Variants in UBTD2 observed in about 807,000 individuals in gnomAD.
UBTD2 encodes ubiquitin domain-containing protein 2.
UBTD2 carries 9 observed loss-of-function variants against 19.8 expected under a neutral mutation model. The ratio of observed to expected loss-of-function variants is 0.46; its 90% CI spans 0.27 to 0.79. The LOEUF (loss-of-function observed/expected upper bound fraction) is 0.79, where lower values mean the gene tolerates loss of function less well. UBTD2 is among the 30% of genes least tolerant of loss of function. The pLI, the probability that UBTD2 is intolerant of heterozygous loss-of-function variation, is 0.14. For synonymous variants in UBTD2, 98 were observed against 103.9 expected (o/e 0.94, Z 0.35); for missense variants, 250 against 300.4 (o/e 0.83, Z 1.24).
rs146473827 is a variant in UBTD2, at chr5:172,211,783, C to T, written c.*47G>A. On this transcript the variant is annotated 3_prime_UTR_variant, in exon 3 of 3. Coordinates refer to ENST00000393792, the MANE Select transcript of UBTD2 (RefSeq NM_152277.3). The stretch of plus-strand genomic sequence containing the variant: ...CAGAGTAGGAAATGACAACAAGAAC[C>T]ATAAAAAGGAGCAGAGGGATGTGGG... 2.6e-6 allele frequency: 4 copies of T among 1,520,844 alleles called. No homozygotes were observed. The East Asian group carries it at 9.1e-5, about 35-fold the overall frequency. 94.2% of individuals were successfully genotyped at this position (1,520,844 alleles called of 1,614,324 possible). A position where few individuals can be genotyped will look rare whatever the true frequency, so the allele number is the denominator to read the frequency against.
In UBTD2 at chr5:172,283,042, G is replaced by A. The variant is rs1451816514; in HGVS notation, c.70+554C>T. On this transcript the variant is annotated intron_variant, in intron 1 of 2. Transcript: ENST00000393792. The surrounding 1 kb of genome is among the most constrained non-coding windows in gnomAD (Gnocchi z 4.3). The stretch of plus-strand genomic sequence containing the variant: ...CACCCCTCCTTAATACAATGCCTGC[G>A]GCCACTGGAGACTCCTCCAGCCGAG... Among the ~76,000 whole-genome samples, 1 of 152,002 alleles carries A rather than the reference G, an allele frequency of 6.6e-6. No individual in the cohort carries two copies. Among genetic ancestry groups the A allele is most frequent in the African/African-American group, 2.4e-5 (1 of 41,352 alleles).
chr5:172,271,283 G>C (rs1182433760), intron 1 of UBTD2, among the ~76,000 whole-genome samples: 1 of 152,004 alleles, frequency 6.6e-6, no homozygotes, highest in African/African-American at 2.4e-5. Flanking sequence ...AAAAAAATTA[G>C]CCAGGCGTGG....
intron 1 of UBTD2, among the ~76,000 whole-genome samples, chr5:172,265,202 C>T (rs938701289): frequency 2.0e-5 from 3 of 152,200 alleles, no homozygotes; most frequent in African/African-American, 7.2e-5. Flanking sequence ...CCTCCTTTCA[C>T]CAGGCAAATA....
intron 2 of UBTD2, among the ~76,000 whole-genome samples, chr5:172,227,869 C>G (rs796201408): frequency 1.3e-5 from 2 of 150,938 alleles, no homozygotes; most frequent in East Asian, 3.9e-4. Context: ...TTAGTAGAGA[C>G]GGGGTTTCGC....
In UBTD2 at chr5:172,251,089, C is replaced by T. The variant is rs535416968; in HGVS notation, c.71-16731G>A. Among the ~76,000 whole-genome samples the T allele has an allele frequency of 4.0e-5, 6 of 151,352 alleles. No homozygotes were observed. The South Asian group carries it at 1.3e-3, about 32-fold the overall frequency. On this transcript the variant is annotated intron_variant, in intron 1 of 2. Transcript: ENST00000393792. ...CAGCACTTCGGGAGGCCGAGGCGGG[C>T]GGATCACGAGGTCAGGAAATCGAGC...
chr5:172,243,998 G>A (rs1772185545), intron 1 of UBTD2, among the ~76,000 whole-genome samples: 2 of 151,988 alleles, frequency 1.3e-5, no homozygotes. Flanking sequence ...TTCAAAAAGG[G>A]AGACCATCAT....
chr5:172,279,865 G>A (rs2113144653), intron 1 of UBTD2, among the ~76,000 whole-genome samples: 1 of 152,276 alleles, frequency 6.6e-6, no homozygotes, highest in East Asian at 1.9e-4. Context: ...GTCAAAACAG[G>A]CTGGGCGAGG....
At chr5:172,274,941 C>G (rs1755577278) in intron 1 of UBTD2, among the ~76,000 whole-genome samples, 1 of 152,136 alleles carries the variant, frequency 6.6e-6, no homozygotes, top group African/African-American at 2.4e-5. Flanking sequence ...GAGGATGAGG[C>G]AGGAGAATGG....
intron 1 of UBTD2, among the ~76,000 whole-genome samples, chr5:172,240,480 T>C (rs1328676541): frequency 6.6e-6 from 1 of 151,780 alleles, no homozygotes; most frequent in African/African-American, 2.4e-5. Context: ...TTGAGGTAGC[T>C]TTATTGGGGG....
chr5:172,250,041 G>A (rs1284798430), intron 1 of UBTD2, among the ~76,000 whole-genome samples: 1 of 152,094 alleles, frequency 6.6e-6, no homozygotes, highest in East Asian at 1.9e-4. Context: ...TGGCAAACGT[G>A]GTGAAACCTC....
intron 1 of UBTD2, among the ~76,000 whole-genome samples, chr5:172,240,746 C>T (rs1043451500): frequency 1.3e-5 from 2 of 152,056 alleles, no homozygotes; most frequent in African/African-American, 4.8e-5. Context: ...CACAAAACAA[C>T]TTTATTGAGA....
intron 1 of UBTD2, chr5:172,252,265 C>T (rs1235837544): frequency 6.6e-6 from 1 of 152,160 alleles, no homozygotes; most frequent in Non-Finnish European, 1.5e-5. Flanking sequence ...GGTTTTAAGG[C>T]TCCACAAGAT....
chr5:172,232,958 T>C (rs897316981), intron 2 of UBTD2, among the ~76,000 whole-genome samples: 1 of 151,606 alleles, frequency 6.6e-6, no homozygotes, highest in African/African-American at 2.4e-5. Context: ...CTAGCCAACA[T>C]GGTGAAACCC....
rs939394790 is a variant in UBTD2, at chr5:172,255,701, G to A, written c.71-21343C>T. On this transcript the variant is annotated intron_variant, in intron 1 of 2. Transcript: ENST00000393792. ...CTCCAGGCAGTCACATGATGCCGGC[G>A]CCGCTCGCTCAGCAAGTCCCCCGGG... is the stretch of plus-strand genomic sequence containing the variant. Among the ~76,000 whole-genome samples the A allele has an allele frequency of 9.9e-5, 15 of 152,268 alleles. No individual in the cohort carries two copies. The South Asian group carries it at 1.0e-3, about 11-fold the overall frequency.
upstream of UBTD2, chr5:172,284,090 C>T (rs1457505996): frequency 1.3e-5 from 2 of 150,622 alleles, no homozygotes; most frequent in African/African-American, 4.9e-5. Flanking sequence ...CACCCACGGC[C>T]TGGGCTCGGC....
intron 1 of UBTD2, among the ~76,000 whole-genome samples, chr5:172,264,289 G>A (rs894691180): frequency 6.6e-6 from 1 of 151,936 alleles, no homozygotes; most frequent in African/African-American, 2.4e-5. Context: ...GCTCACACCT[G>A]TAATCCCAGC....
intron 1 of UBTD2, among the ~76,000 whole-genome samples, chr5:172,246,742 C>T (rs1297591138): frequency 7.1e-6 from 1 of 140,748 alleles, no homozygotes; most frequent in Non-Finnish European, 1.5e-5. Flanking sequence ...CCACGCCCAG[C>T]CGAGATTGCT....
intron 1 of UBTD2, among the ~76,000 whole-genome samples, chr5:172,264,567 A>C (rs1371356979): frequency 2.2e-5 from 3 of 134,742 alleles, no homozygotes; most frequent in African/African-American, 8.1e-5. Flanking sequence ...AAATTAAAAA[A>C]AAAAAAAAAC....
intron 1 of UBTD2, chr5:172,254,797 T>C (rs1452208975): frequency 1.8e-6 from 1 of 547,756 alleles, no homozygotes; most frequent in Admixed American, 2.7e-5. Flanking sequence ...TCCTCTGTGG[T>C]TCAATCCCAG....
Sources: allele counts gnomAD v4.1 joint callset (sites outside exome capture counted in the v4.1 genomes callset), GRCh38; gene constraint gnomAD v4.1.1; non-coding constraint Gnocchi (gnomAD v3.1); transcripts MANE v1.5; gene names NCBI Gene and HGNC (gene_info 2026-07-23, HGNC 2026-07-21).